RASAL3: variants seen among roughly 807,000 people sequenced by gnomAD.
The protein encoded by RASAL3 is RAS protein activator like-3.
A neutral mutation model predicts 105.5 loss-of-function variants in RASAL3; 74 were observed. The observed-to-expected ratio is 0.70, with a 90% confidence interval of 0.58 to 0.85. The LOEUF is 0.85. Ranked by LOEUF, RASAL3 falls within the 40% of genes least tolerant of loss-of-function variation. The pLI is 0.00. For missense variants in RASAL3, 1,352 were observed against 1,392.0 expected (o/e 0.97, Z 0.46); for synonymous variants, 579 against 591.6 (o/e 0.98, Z 0.31).
In RASAL3 at chr19:15,454,745, C is replaced by T. The variant is rs1231462978; in HGVS notation, c.1870G>A (p.Gly624Ser). 6.2e-7 allele frequency: 1 copy of T among 1,608,622 alleles called. No individual in the cohort carries two copies. The highest frequency in any genetic ancestry group is 8.5e-7 in the Non-Finnish European group (1 of 1,177,634). Residue 624 changes from glycine (G) to serine (S), a missense_variant, in exon 12 of 18, where the codon GGT becomes AGT. Gly to Ser is a moderately conservative substitution (Grantham distance 56). This residue lies in a region of RASAL3 where 920 missense variants were observed against 919.6 expected (regional missense o/e 1.00). Coordinates refer to ENST00000343625, the MANE Select transcript of RASAL3 (RefSeq NM_022904.3). ...CPAILAPSLF[G>S]LAPDHPAPGP... The stretch of plus-strand genomic sequence containing the variant: ...GGTGCTGGATGGTCTGGTGCCAAAC[C>T]AAAGAGGCTGGGTGCCAGGATGGCA...
At chr19:15,455,760 A>G (rs1055168670) in intron 11 of RASAL3, among the ~76,000 whole-genome samples, 3 of 152,206 alleles carry the variant, frequency 2.0e-5, no homozygotes, top group African/African-American at 7.2e-5. Context: ...CCTGCGCTCA[A>G]GCGATCCTCC....
At position 15,456,654 on chromosome 19, in the gene RASAL3, G is replaced by A; in HGVS notation, c.1432-8C>T. ...CAGGTCAGTCACCAGCGCCTAGGAA[G>A]GGCAGGAGGTCAGGTTGCACCAGAT... On this transcript the variant is annotated splice_region_variant and splice_polypyrimidine_tract_variant and intron_variant, in intron 9 of 17. Transcript: ENST00000343625. The surrounding 1 kb of genome is among the most constrained non-coding windows in gnomAD (Gnocchi z 4.4). The A allele has an allele frequency of 6.2e-7, 1 of 1,610,238 alleles. No homozygotes were observed. Among genetic ancestry groups the A allele is most frequent in the Non-Finnish European group, 8.5e-7 (1 of 1,179,056 alleles).
At position 15,464,128 on chromosome 19, in the gene RASAL3, C is replaced by T. The variant is rs758910891; in HGVS notation, c.231G>A (p.Glu77=). The T allele has an allele frequency of 1.2e-6, 2 of 1,613,676 alleles. No homozygotes were observed. Among genetic ancestry groups the T allele is most frequent in the Non-Finnish European group, 1.7e-6 (2 of 1,179,846 alleles). The change falls in exon 2 of 18, where the codon GAG becomes GAA. Residue 77 remains glutamate (E), a synonymous_variant. Transcript: ENST00000343625. ...AGAGTCGAAGGCGACTGGTCCGTGACTCCTTGGGAGGCGCAGATAGGACCC... is the reference window on the plus strand; with the variant it reads ...AGAGTCGAAGGCGACTGGTCCGTGATTCCTTGGGAGGCGCAGATAGGACCC... The part of the protein sequence containing the change: ...FRRVLSAPPK[E]SRTSRLRLSK...
chr19:15,452,884 TCCCAGG>T (rs1970203559), intron 15 of RASAL3, 69 bp from the exon 16 acceptor site: 2 of 1,477,978 alleles, frequency 1.4e-6, no homozygotes, highest in Admixed American at 4.5e-5. Flanking sequence ...GACCCTGACC[TCCCAGG>T]CCCAAGCGCT....
rs1430561196 is a variant in RASAL3, at chr19:15,453,522, G to T, written c.2280-25C>A. The T allele has an allele frequency of 6.7e-7, 1 of 1,491,468 alleles. No individual in the cohort carries two copies. The highest frequency in any genetic ancestry group is 8.8e-7 in the Non-Finnish European group (1 of 1,130,016). 92.4% of individuals were successfully genotyped at this position (1,491,468 alleles called of 1,614,324 possible). ...GCTAGGGGTGGGATGGAGGATCTTA[G>T]ACCCTCCACTGGCCCCTGAGACGAC... On this transcript the variant is annotated intron_variant, in intron 14 of 17. Coordinates refer to ENST00000343625, the MANE Select transcript of RASAL3 (RefSeq NM_022904.3). The surrounding 1 kb of genome is among the most constrained non-coding windows in gnomAD (Gnocchi z 4.2).
At position 15,460,198 on chromosome 19, in the gene RASAL3, C is replaced by T. The variant is rs375924419; in HGVS notation, c.662+5G>A. The T allele has an allele frequency of 5.0e-6, 8 of 1,605,050 alleles. No individual in the cohort carries two copies. Among genetic ancestry groups the T allele is most frequent in the Middle Eastern group, 1.6e-4 (1 of 6,068 alleles). On this transcript the variant is annotated splice_donor_5th_base_variant and intron_variant, in intron 6 of 17. Transcript: ENST00000343625. ...CAGCCCCTCCAGCCTCTCATACACC[C>T]TTACCCATCCCGGGGCTCCAACCTG...
intron 3 of RASAL3, 83 bp from the exon 4 acceptor site, chr19:15,461,379 T>G: frequency 6.6e-7 from 1 of 1,525,742 alleles, no homozygotes; most frequent in Admixed American, 1.9e-5. Context: ...GGCAGACACC[T>G]TCCCATTATC....
At chr19:15,463,301 C>G (rs1970570883) in intron 2 of RASAL3, among the ~76,000 whole-genome samples, 2 of 152,090 alleles carry the variant, frequency 1.3e-5, no homozygotes, top group East Asian at 3.9e-4. Flanking sequence ...CCATGTTGGC[C>G]AGGCTGGTCT....
Position 15,452,106 on chromosome 19 carries a change from C to T in RASAL3, c.2831G>A (p.Ser944Asn), listed in dbSNP as rs1458165692. ...QDLDSRLRAG[S>N]SEFDSEHNLT... Reference sequence around the variant, plus strand: ...GTTGTGCTCTGAATCAAACTCTGAGCTCCTGTGGGGGTCGGGGGATTGGGG... The same window carrying T: ...GTTGTGCTCTGAATCAAACTCTGAGTTCCTGTGGGGGTCGGGGGATTGGGG... Residue 944 changes from serine (S) to asparagine (N), a missense_variant and splice_region_variant, in exon 17 of 18, where the codon AGC (serine) becomes AAC (asparagine). Ser to Asn is a conservative substitution (Grantham distance 46). Transcript: ENST00000343625. 2 of 1,613,762 alleles carry T rather than the reference C, an allele frequency of 1.2e-6. No individual in the cohort carries two copies. Among genetic ancestry groups the T allele is most frequent in the African/African-American group, 1.3e-5 (1 of 74,938 alleles).
rs763752095 is a variant in RASAL3, at chr19:15,461,279, C to T, written c.483G>A (p.Arg161=). 3.7e-6 allele frequency: 6 copies of T among 1,613,662 alleles called. No individual in the cohort carries two copies. In the South Asian group the frequency reaches 5.5e-5, roughly 15 times the overall value. Residue 161 remains arginine, a synonymous_variant, in exon 4 of 18, where the codon CGG becomes CGA. Transcript: ENST00000343625. ...GGEEEGPRRP[R]VGSASSEGSI... ...TGCCCTCGGAGCTAGCACTTCCCACCCGGGGCCTTCGAGGACCCTGTTCTC... is the reference window on the plus strand; with the variant it reads ...TGCCCTCGGAGCTAGCACTTCCCACTCGGGGCCTTCGAGGACCCTGTTCTC...
chr19:15,456,497 C>G lies in RASAL3; in HGVS notation c.1576+5G>C. The G allele has an allele frequency of 6.2e-7, 1 of 1,613,512 alleles. No homozygotes were observed. The highest frequency in any genetic ancestry group is 2.2e-5 in the East Asian group (1 of 44,888). ...GCCGCTGACATGGACTCTCCCCCAG[C>G]TCACCCAGGGTCTCCTGGAGGTAAT... On this transcript the variant is annotated splice_donor_5th_base_variant and intron_variant, in intron 10 of 17. Coordinates refer to ENST00000343625, the MANE Select transcript of RASAL3 (RefSeq NM_022904.3). This position sits in a 1 kb window ranked among gnomAD's most constrained non-coding sequence, Gnocchi z 4.4.
chr19:15,461,068 T>C lies in RASAL3; in HGVS notation c.598A>G (p.Asn200Asp). Residue 200 changes from asparagine (N) to aspartate (D), a missense_variant, in exon 5 of 18, where the codon AAC (asparagine) becomes GAC (aspartate). Physicochemically the swap from Asn to Asp is conservative, Grantham distance 23. This residue lies in a region of RASAL3 where 344 missense variants were observed against 339.6 expected (regional missense o/e 1.01). Transcript: ENST00000343625. ...PETAGPNQVH[N>D]VRGLLKRLKE... Reference sequence around the variant, plus strand: ...TTCACTGGCTGCCTTACCCGAACGTTGTGGACCTGGTTGGGACCAGCAGTC... The same window carrying C: ...TTCACTGGCTGCCTTACCCGAACGTCGTGGACCTGGTTGGGACCAGCAGTC... 3 of 1,613,820 alleles carry C rather than the reference T, an allele frequency of 1.9e-6. No individual in the cohort carries two copies. The highest frequency in any genetic ancestry group is 2.5e-6 in the Non-Finnish European group (3 of 1,179,852).
chr19:15,457,740 G>A lies in RASAL3; in HGVS notation c.983C>T (p.Ala328Val). ...CAGCGCGCCATCCAGCCACAGCTCG[G>A]CGCGCACGCCGGGTGCCCCCGCCGC... The part of the protein sequence containing the change: ...RAAAGAPGVR[A>V]ELWLDGALLA... The change falls in exon 9 of 18, where the codon GCC becomes GTC. Residue 328 changes from alanine (A) to valine (V), a missense_variant. Transcript: ENST00000343625. The surrounding 1 kb of genome is among the most constrained non-coding windows in gnomAD (Gnocchi z 8.6). 9.1e-6 allele frequency: 14 copies of A among 1,540,764 alleles called. No homozygotes were observed. The highest frequency in any genetic ancestry group is 1.4e-5 in the African/African-American group (1 of 72,260).
intron 16 of RASAL3, chr19:15,452,320 T>C: frequency 3.3e-6 from 2 of 606,298 alleles, no homozygotes; most frequent in Middle Eastern, 4.4e-4. Context: ...CCCTTGGAGG[T>C]GGGGTTTGGC....
rs766559006 is a variant in RASAL3, at chr19:15,452,027, C to T, written c.2892+18G>A. The T allele has an allele frequency of 1.2e-6, 2 of 1,613,946 alleles. No homozygotes were observed. Among genetic ancestry groups the T allele is most frequent in the South Asian group, 1.1e-5 (1 of 91,092 alleles). On this transcript the variant is annotated intron_variant, in intron 17 of 17. Coordinates refer to ENST00000343625, the MANE Select transcript of RASAL3 (RefSeq NM_022904.3). ...TCCACCGCCCAGACCTGCCCCAGGG[C>T]TCAGATGGCAATCTCACCAGGTTTT... is the stretch of plus-strand genomic sequence containing the variant.
chr19:15,452,569 G>T (rs1970184105), intron 16 of RASAL3, 89 bp downstream of exon 16: 2 of 1,134,212 alleles, frequency 1.8e-6, no homozygotes, highest in African/African-American at 2.1e-5. Flanking sequence ...CGTGCTAGGC[G>T]TGGTTTGGGG....
intron 5 of RASAL3, 38 bp downstream of exon 5, chr19:15,461,022 C>A: frequency 6.2e-7 from 1 of 1,601,658 alleles, no homozygotes. Flanking sequence ...AGAGTCTTGG[C>A]TCTCCCCTCT....
At position 15,456,281 on chromosome 19, in the gene RASAL3, G is replaced by T. The variant is rs760648105; in HGVS notation, c.1577-33C>A. On this transcript the variant is annotated intron_variant, in intron 10 of 17. Transcript: ENST00000343625. This position sits in a 1 kb window ranked among gnomAD's most constrained non-coding sequence, Gnocchi z 4.4. Reference sequence around the variant, plus strand: ...CCAGCACAGCCAGATAGGGGCTGGGGCCATGACCACCAAAACCTGCCACAC... The same window carrying T: ...CCAGCACAGCCAGATAGGGGCTGGGTCCATGACCACCAAAACCTGCCACAC... The T allele has an allele frequency of 1.9e-6, 3 of 1,603,750 alleles. No individual in the cohort carries two copies. Among genetic ancestry groups the T allele is most frequent in the Non-Finnish European group, 2.6e-6 (3 of 1,173,064 alleles).
intron 8 of RASAL3, 123 bp downstream of exon 8, chr19:15,458,205 T>A: frequency 1.2e-6 from 1 of 850,524 alleles, no homozygotes; most frequent in East Asian, 2.7e-5. Flanking sequence ...GTTGCAACGA[T>A]GCAGGCGGGG....
Sources: gnomAD v4.1 joint callset for allele counts (sites outside exome capture counted in the v4.1 genomes callset) on GRCh38, gnomAD v4.1.1 for gene constraint, gnomAD v4.1.1 regional missense constraint, Gnocchi (gnomAD v3.1) non-coding constraint, MANE v1.5 for transcripts, NCBI Gene and HGNC (gene_info 2026-07-23, HGNC 2026-07-21) for gene names.